Variants in RAB33A observed in about 807,000 individuals in gnomAD.
RAB33A encodes the protein RAB33A, member RAS oncogene family, also known as ras-related protein Rab-33A.
RAB33A carries 6 observed loss-of-function variants against 12.0 expected under a neutral mutation model. The ratio of observed to expected loss-of-function variants is 0.50; its 90% confidence interval spans 0.27 to 0.99. The LOEUF (loss-of-function observed/expected upper bound fraction) is 0.99. Among genes scored for constraint, RAB33A ranks in the 50% least tolerant of loss-of-function variants. RAB33A has a pLI of 0.11. For missense variants in RAB33A, 109 were observed against 192.0 expected, an observed-to-expected ratio of 0.57 and a Z score of 2.55; for synonymous variants, 70 against 82.4, an observed-to-expected ratio of 0.85 and a Z score of 0.81.
the RAB33A span, among the ~76,000 whole-genome samples, chrX:130,146,454 TG>T: frequency 7.2e-5 from 1 of 13,805 alleles, no homozygotes; most frequent in Non-Finnish European, 1.5e-4. Context: ...TCAAAATATG[TG>T]TGTGTGTGTG....
At chrX:130,134,192 G>A in the RAB33A span, among the ~76,000 whole-genome samples, 1 of 108,678 alleles carries the variant, frequency 9.2e-6, no homozygotes, top group African/African-American at 3.4e-5. Flanking sequence ...AGCTGAGATC[G>A]TGCCACTGAA....
At chrX:130,165,857 A>C in the RAB33A span, 20 of 475,908 alleles carry the variant, frequency 4.2e-5, no homozygotes, top group Admixed American at 2.9e-4. Flanking sequence ...CCGGAGGCCT[A>C]CTGCGCAGGC....
chrX:130,128,782 C>T, the RAB33A span, among the ~76,000 whole-genome samples: 20 of 111,529 alleles, frequency 1.8e-4, no homozygotes, highest in South Asian at 7.6e-3. Flanking sequence ...GATGATGGTC[C>T]TTCCATGAGT....
In RAB33A at chrX:130,172,461, C is replaced by T. The variant is rs990710397; in HGVS notation, c.258+141C>T. On this transcript the variant is annotated intron_variant, in intron 1 of 1. Coordinates refer to ENST00000257017, the MANE Select transcript of RAB33A (RefSeq NM_004794.3). The stretch of plus-strand genomic sequence containing the variant: ...CTGAGCCGAGGACCCTCGGCTCCTC[C>T]TCACCCCTTTTCACCTCTCTCAGCG... 27 of 807,838 alleles carry T rather than the reference C, an allele frequency of 3.3e-5. No individual in the cohort carries two copies. The South Asian group carries it at 5.5e-4, about 16-fold the overall frequency. The allele number at this position is 807,838 out of a possible 1,213,427, so 66.6% of individuals were successfully genotyped here.
At chrX:130,112,414 T>TGC in the RAB33A span, among the ~76,000 whole-genome samples, 5 of 111,908 alleles carry the variant, frequency 4.5e-5, no homozygotes, top group African/African-American at 1.6e-4. Flanking sequence ...TGCACACGCG[T>TGC]GCACACACAC....
chrX:130,138,478 T>A, the RAB33A span: 14 of 586,286 alleles, frequency 2.4e-5, no homozygotes, highest in Admixed American at 5.3e-5. Context: ...AAAAAATAAA[T>A]AAATAAACCT....
chrX:130,156,713 A>G, the RAB33A span: 1 of 866,501 alleles, frequency 1.2e-6, no homozygotes, highest in Admixed American at 2.3e-5. Flanking sequence ...ACAGATATTC[A>G]CCGTTAAATG....
intron 1 of RAB33A, among the ~76,000 whole-genome samples, chrX:130,175,739 C>G (rs1245920467): frequency 9.0e-6 from 1 of 110,982 alleles, no homozygotes; most frequent in Non-Finnish European, 1.9e-5. Flanking sequence ...TCAGGTGATC[C>G]ACCTGCCTCG....
At chrX:130,147,355 C>T in the RAB33A span, 2 of 763,091 alleles carry the variant, frequency 2.6e-6, no homozygotes, top group Non-Finnish European at 4.0e-6. Flanking sequence ...CTAAGCTGTA[C>T]CAAGTGTGGA....
At chrX:130,141,293 C>G in the RAB33A span, among the ~76,000 whole-genome samples, 1 of 111,599 alleles carries the variant, frequency 9.0e-6, no homozygotes, top group African/African-American at 3.3e-5. Context: ...TTTTTTTAGG[C>G]AGTCATATGT....
At chrX:130,165,795 G>T in the RAB33A span, 1 of 578,009 alleles carries the variant, frequency 1.7e-6, no homozygotes, top group Non-Finnish European at 3.0e-6. Flanking sequence ...AGCTCCGGGT[G>T]GGCATTGGAC....
chrX:130,145,880 T>C, the RAB33A span, among the ~76,000 whole-genome samples: 1 of 111,711 alleles, frequency 9.0e-6, no homozygotes, highest in Non-Finnish European at 1.9e-5. Flanking sequence ...CTAAACATCC[T>C]ATGATGCACT....
At chrX:130,160,993 A>G in the RAB33A span, among the ~76,000 whole-genome samples, 1 of 112,152 alleles carries the variant, frequency 8.9e-6, no homozygotes, top group East Asian at 2.8e-4. Context: ...TTGCTTAATC[A>G]TAAATGAGTA....
chrX:130,155,082 A>G, the RAB33A span: 1 of 1,128,853 alleles, frequency 8.9e-7, no homozygotes, highest in Non-Finnish European at 1.2e-6. Context: ...CTATATTCTA[A>G]TGTATCAAGT....
the RAB33A span, among the ~76,000 whole-genome samples, chrX:130,141,598 G>C: frequency 9.0e-5 from 10 of 111,407 alleles, no homozygotes; most frequent in Non-Finnish European, 1.9e-4. Flanking sequence ...TTGGCATTCT[G>C]CAAGCTTCTT....
the RAB33A span, among the ~76,000 whole-genome samples, chrX:130,166,178 C>G: frequency 9.0e-6 from 1 of 111,730 alleles, no homozygotes; most frequent in Non-Finnish European, 1.9e-5. Flanking sequence ...ATACCGAAGC[C>G]TTCCTGATTC....
chrX:130,148,921 A>C, the RAB33A span, among the ~76,000 whole-genome samples: 1 of 68,562 alleles, frequency 1.5e-5, no homozygotes, highest in Non-Finnish European at 2.6e-5. Context: ...CTTTTAAGAG[A>C]CTTTTTTTTT....
chrX:130,163,398 G>A, the RAB33A span, among the ~76,000 whole-genome samples: 2 of 110,915 alleles, frequency 1.8e-5, no homozygotes, highest in African/African-American at 3.3e-5. Context: ...AAAAACACAC[G>A]GTAGATGCTA....
chrX:130,138,359 G>A, the RAB33A span, among the ~76,000 whole-genome samples: 1 of 110,667 alleles, frequency 9.0e-6, no homozygotes, highest in Admixed American at 9.7e-5. Flanking sequence ...CAGCTACTCG[G>A]GAGGCTGAGG....
Sources: allele counts gnomAD v4.1 joint callset (sites outside exome capture counted in the v4.1 genomes callset), GRCh38; gene constraint gnomAD v4.1.1; transcripts MANE v1.5; gene names NCBI Gene and HGNC (gene_info 2026-07-23, HGNC 2026-07-21).